The following STX8 variants were observed in gnomAD, a reference collection of about 807,000 sequenced individuals.
STX8 encodes syntaxin 8.
A neutral mutation model predicts 37.5 loss-of-function variants in STX8; 23 were observed. The ratio of observed to expected loss-of-function variants is 0.61; its 90% CI spans 0.44 to 0.87. The LOEUF is 0.87. Among genes scored for constraint, STX8 ranks in the 40% least tolerant of loss-of-function variants. The probability of loss-of-function intolerance (pLI) is 0.00; values close to 1 mark genes in which losing one functional copy is unlikely to be tolerated. For synonymous variants in STX8, 115 were observed against 99.1 expected (o/e 1.16, Z -0.95); for missense variants, 313 against 284.7 (o/e 1.10, Z -0.71).
intron 7 of STX8, among the ~76,000 whole-genome samples, chr17:9,377,426 A>G (rs956488841): frequency 3.9e-5 from 6 of 151,954 alleles, no homozygotes; most frequent in African/African-American, 1.5e-4. Context: ...TCAGCCTCCC[A>G]AGCAGCTAGG....
chr17:9,532,263 C>T (rs1356866074), intron 4 of STX8, among the ~76,000 whole-genome samples: 1 of 152,136 alleles, frequency 6.6e-6, no homozygotes, highest in Non-Finnish European at 1.5e-5. Flanking sequence ...AATAGCTACT[C>T]TGTCAAGTTC....
intron 7 of STX8, among the ~76,000 whole-genome samples, chr17:9,364,017 T>C (rs1911147040): frequency 6.6e-6 from 1 of 152,198 alleles, no homozygotes; most frequent in African/African-American, 2.4e-5. Context: ...AAATAAATGC[T>C]GTTAGCAGAA....
At chr17:9,490,732 T>G (rs886118146) in intron 6 of STX8, among the ~76,000 whole-genome samples, 2 of 152,206 alleles carry the variant, frequency 1.3e-5, no homozygotes, top group African/African-American at 4.8e-5. Flanking sequence ...TAGAATACTT[T>G]ACATTTTCTT....
At chr17:9,437,051 G>A (rs191821513) in intron 6 of STX8, among the ~76,000 whole-genome samples, 72 of 152,318 alleles carry the variant, frequency 4.7e-4, no homozygotes, top group African/African-American at 1.7e-3. Context: ...GTGACAAGCT[G>A]AAATGAAAAG....
intron 7 of STX8, among the ~76,000 whole-genome samples, chr17:9,272,927 C>T (rs1243784108): frequency 1.3e-5 from 2 of 152,196 alleles, no homozygotes; most frequent in East Asian, 3.9e-4. Flanking sequence ...TTTCTAAGAA[C>T]GCAATAAACA....
chr17:9,460,673 CAA>C (rs751553222), intron 6 of STX8, among the ~76,000 whole-genome samples: 8 of 96,690 alleles, frequency 8.3e-5, no homozygotes, highest in Middle Eastern at 4.5e-3. Context: ...GACTCTGTCT[CAA>C]AAAAAAAAAA....
intron 6 of STX8, among the ~76,000 whole-genome samples, chr17:9,417,605 A>G (rs1913246306): frequency 6.6e-6 from 1 of 152,132 alleles, no homozygotes; most frequent in South Asian, 2.1e-4. Context: ...TATGCTAATG[A>G]GGTGACCCTC....
At chr17:9,255,501 T>C (rs182029569) in intron 7 of STX8, among the ~76,000 whole-genome samples, 86 of 151,618 alleles carry the variant, frequency 5.7e-4, no homozygotes, top group Non-Finnish European at 1.1e-3. Flanking sequence ...CACTCCAGCC[T>C]GGGCAACAGA....
intron 6 of STX8, among the ~76,000 whole-genome samples, chr17:9,462,157 A>T (rs1156392359): frequency 3.9e-5 from 6 of 152,134 alleles, no homozygotes; most frequent in Non-Finnish European, 8.8e-5. Context: ...TTAGAGAATC[A>T]GGGGAACAAA....
At chr17:9,545,380 G>T in intron 3 of STX8, 98 bp from the exon 4 acceptor site, 1 of 878,868 alleles carries the variant, frequency 1.1e-6, no homozygotes. Context: ...GGCTTTTACA[G>T]ACTGTAATCA....
chr17:9,516,362 A>G (rs1361692122), intron 4 of STX8, among the ~76,000 whole-genome samples: 2 of 134,636 alleles, frequency 1.5e-5, no homozygotes, highest in South Asian at 2.4e-4. Context: ...TTAGAAAATA[A>G]ACACCTGTTA....
chr17:9,563,134 G>GTCAT (rs1404554862), intron 2 of STX8, among the ~76,000 whole-genome samples: 2 of 151,086 alleles, frequency 1.3e-5, no homozygotes, highest in African/African-American at 4.9e-5. Context: ...AAGAGTATCT[G>GTCAT]TCATTCATTC....
chr17:9,392,089 T>C (rs971313335), intron 6 of STX8, among the ~76,000 whole-genome samples: 58 of 152,310 alleles, frequency 3.8e-4, no homozygotes, highest in African/African-American at 1.3e-3. Context: ...AGTTGGAACC[T>C]GTGGCCTCAA....
At chr17:9,361,448 T>C (rs1389940062) in intron 7 of STX8, among the ~76,000 whole-genome samples, 1 of 152,194 alleles carries the variant, frequency 6.6e-6, no homozygotes, top group East Asian at 1.9e-4. Context: ...ACTGCAGGCG[T>C]TGCTTTGCAG....
chr17:9,253,866 C>G (rs996777584), intron 7 of STX8, among the ~76,000 whole-genome samples: 1 of 152,106 alleles, frequency 6.6e-6, no homozygotes, highest in Non-Finnish European at 1.5e-5. Flanking sequence ...TCAAGAACAA[C>G]AACTGATTGG....
chr17:9,278,274 C>A (rs1024204825), intron 7 of STX8, among the ~76,000 whole-genome samples: 1 of 152,176 alleles, frequency 6.6e-6, no homozygotes, highest in Non-Finnish European at 1.5e-5. Context: ...ATAGAGAAAA[C>A]CCCGTCTCTA....
chr17:9,332,120 C>T (rs1462116781), intron 7 of STX8, among the ~76,000 whole-genome samples: 1 of 152,202 alleles, frequency 6.6e-6, no homozygotes, highest in Non-Finnish European at 1.5e-5. Context: ...GTCCTGACTG[C>T]TGGACCTCTG....
intron 7 of STX8, among the ~76,000 whole-genome samples, chr17:9,278,782 G>C (rs909454022): frequency 1.3e-5 from 2 of 152,098 alleles, no homozygotes; most frequent in African/African-American, 2.4e-5. Flanking sequence ...GAGAGCAGGG[G>C]AGGGAGATCG....
chr17:9,339,214 G>A (rs773477454), intron 7 of STX8, among the ~76,000 whole-genome samples: 3 of 152,128 alleles, frequency 2.0e-5, no homozygotes, highest in African/African-American at 7.2e-5. Context: ...TACAACCTTG[G>A]CATGCGGCTG....
Sources: gnomAD v4.1 joint callset for allele counts (sites outside exome capture counted in the v4.1 genomes callset) on GRCh38, gnomAD v4.1.1 for gene constraint, MANE v1.5 for transcripts, NCBI Gene and HGNC (gene_info 2026-07-23, HGNC 2026-07-21) for gene names.